The following HIPK2 variants were observed in gnomAD, a reference collection of about 807,000 sequenced individuals.
The protein encoded by HIPK2 is homeodomain-interacting protein kinase 2.
Under a neutral mutation model 113.7 loss-of-function variants are expected in HIPK2, and 27 were observed. The ratio of observed to expected loss-of-function variants is 0.24; its 90% CI spans 0.17 to 0.33. The LOEUF (loss-of-function observed/expected upper bound fraction) is 0.33. Ranked by LOEUF, HIPK2 falls within the 10% of genes least tolerant of loss-of-function variation. The pLI is 1.00. For missense variants in HIPK2, 1,257 were observed against 1,588.0 expected, an observed-to-expected ratio of 0.79 and a Z score of 3.54; for synonymous variants, 631 against 642.2, an observed-to-expected ratio of 0.98 and a Z score of 0.26.
chr7:139,621,991 T>C (rs560751773), intron 6 of HIPK2, among the ~76,000 whole-genome samples: 66 of 151,708 alleles, frequency 4.4e-4, no homozygotes, highest in Admixed American at 1.2e-3. Flanking sequence ...ACTCAAAATG[T>C]CTATTTTAAT....
intron 1 of HIPK2, among the ~76,000 whole-genome samples, chr7:139,758,681 C>T (rs983807641): frequency 2.0e-5 from 3 of 152,156 alleles, no homozygotes; most frequent in Admixed American, 6.5e-5. Flanking sequence ...ATTGTGCGCT[C>T]ATTATGAGAA....
intron 2 of HIPK2, among the ~76,000 whole-genome samples, chr7:139,633,122 A>G (rs1046989118): frequency 6.9e-6 from 1 of 145,944 alleles, no homozygotes; most frequent in African/African-American, 2.6e-5. Context: ...AAAAAAAAGA[A>G]AGAAAGTAGC....
chr7:139,753,571 T>A (rs1009392684), intron 1 of HIPK2, among the ~76,000 whole-genome samples: 1 of 152,208 alleles, frequency 6.6e-6, no homozygotes, highest in African/African-American at 2.4e-5. Context: ...TCAGAGTGCA[T>A]TTTTTTCCAG....
intron 1 of HIPK2, among the ~76,000 whole-genome samples, chr7:139,720,778 T>C (rs1053007264): frequency 6.6e-6 from 1 of 152,194 alleles, no homozygotes; most frequent in African/African-American, 2.4e-5. Flanking sequence ...AGTCTTTAAG[T>C]ACCCGGAAGG....
chr7:139,759,045 A>T (rs1300357171), intron 1 of HIPK2, among the ~76,000 whole-genome samples: 2 of 152,206 alleles, frequency 1.3e-5, no homozygotes, highest in East Asian at 3.8e-4. Context: ...TGGAAAAAAA[A>T]TGCAACTCAT....
At position 139,665,710 on chromosome 7, in the gene HIPK2, G is replaced by A. The variant is rs555821468; in HGVS notation, c.1104-33985C>T. ...ATTACCAAACTCCTCCCCTCTAAAT[G>A]AGTGCCTGGGCCTTCACTTTTTCTT... On this transcript the variant is annotated intron_variant, in intron 2 of 14. Coordinates refer to ENST00000406875, the MANE Select transcript of HIPK2 (RefSeq NM_022740.5). Among the ~76,000 whole-genome samples, 5 of 152,236 alleles carry A rather than the reference G, an allele frequency of 3.3e-5. No individual in the cohort carries two copies. In the East Asian group the frequency reaches 9.7e-4, roughly 29 times the overall value.
intron 12 of HIPK2, among the ~76,000 whole-genome samples, chr7:139,587,877 A>C (rs867746421): frequency 6.6e-6 from 1 of 152,074 alleles, no homozygotes; most frequent in African/African-American, 2.4e-5. Flanking sequence ...CCTACACTCT[A>C]AAGAAAATAA....
At chr7:139,665,997 C>G (rs1261952699) in intron 2 of HIPK2, among the ~76,000 whole-genome samples, 2 of 144,220 alleles carry the variant, frequency 1.4e-5, no homozygotes, top group African/African-American at 5.1e-5. Context: ...ATGGTGCTTT[C>G]AAGATAGCAA....
Position 139,682,908 on chromosome 7 carries a change from C to G in HIPK2, c.1103+33024G>C, listed in dbSNP as rs372924041. Among the ~76,000 whole-genome samples the G allele has an allele frequency of 6.6e-5, 10 of 152,172 alleles. No individual in the cohort carries two copies. The East Asian group carries it at 1.2e-3, about 18-fold the overall frequency. ...GCCCCTTGTCCCCTCCTCTGTAGGA[C>G]AGTGGAGGGCCCCCTGGCATCACAG... On this transcript the variant is annotated intron_variant, in intron 2 of 14. Transcript: ENST00000406875.
At position 139,583,832 on chromosome 7, in the gene HIPK2, C is replaced by T; in HGVS notation, c.2950G>A (p.Asp984Asn). 1 of 1,611,504 alleles carries T rather than the reference C, an allele frequency of 6.2e-7. No individual in the cohort carries two copies. Among genetic ancestry groups the T allele is most frequent in the Non-Finnish European group, 8.5e-7 (1 of 1,178,840 alleles). ...TQASEVLVECDSLVPVNTSHH... is the reference protein window; with the variant it reads ...TQASEVLVECNSLVPVNTSHH... Reference sequence around the variant, plus strand: ...CCCAAATTACCTGGCACCAGGCTATCACACTCCACCAATACTTCGCTGGCC... The same window carrying T: ...CCCAAATTACCTGGCACCAGGCTATTACACTCCACCAATACTTCGCTGGCC... Residue 984 changes from aspartate to asparagine, a missense_variant, in exon 13 of 15, where the codon GAT becomes AAT. Asp to Asn is a conservative substitution (Grantham distance 23). Coordinates refer to ENST00000406875, the MANE Select transcript of HIPK2 (RefSeq NM_022740.5).
intron 13 of HIPK2, among the ~76,000 whole-genome samples, chr7:139,581,155 G>C (rs1413169366): frequency 1.3e-5 from 2 of 152,178 alleles, no homozygotes; most frequent in Non-Finnish European, 2.9e-5. Flanking sequence ...GGGAAGTAGA[G>C]GTTGCAGTAA....
At chr7:139,659,949 A>C (rs75357226) in intron 2 of HIPK2, among the ~76,000 whole-genome samples, 4,991 of 152,386 alleles carry the variant, frequency 0.033, 122 homozygotes, top group Non-Finnish European at 0.048. Flanking sequence ...TGTTAAATGC[A>C]ACACCTATAC....
chr7:139,704,792 C>T (rs1237488452), intron 2 of HIPK2, among the ~76,000 whole-genome samples: 2 of 152,022 alleles, frequency 1.3e-5, no homozygotes, highest in Non-Finnish European at 2.9e-5. Flanking sequence ...TCCAGCGCCC[C>T]GTCCCACCAC....
intron 12 of HIPK2, among the ~76,000 whole-genome samples, chr7:139,593,046 CT>C (rs1799079948): frequency 6.6e-6 from 1 of 152,232 alleles, no homozygotes; most frequent in Admixed American, 6.5e-5. Context: ...CCCTATGGCC[CT>C]GGCATGGTGA....
chr7:139,695,367 C>T (rs1421508783), intron 2 of HIPK2, among the ~76,000 whole-genome samples: 1 of 152,150 alleles, frequency 6.6e-6, no homozygotes, highest in Admixed American at 6.5e-5. Flanking sequence ...CCGGGGCTGC[C>T]TTTCACCACC....
At chr7:139,741,299 G>T (rs1796093344) in intron 1 of HIPK2, among the ~76,000 whole-genome samples, 1 of 152,088 alleles carries the variant, frequency 6.6e-6, no homozygotes, top group South Asian at 2.1e-4. Flanking sequence ...GCGCCCTGGG[G>T]AGACACTCGG....
At chr7:139,673,225 C>G (rs938624234) in intron 2 of HIPK2, among the ~76,000 whole-genome samples, 1 of 151,616 alleles carries the variant, frequency 6.6e-6, no homozygotes, top group Non-Finnish European at 1.5e-5. Context: ...AGATTACGAA[C>G]TGGGAATGCA....
At chr7:139,740,868 C>T (rs560019337) in intron 1 of HIPK2, among the ~76,000 whole-genome samples, 1 of 152,316 alleles carries the variant, frequency 6.6e-6, no homozygotes, top group South Asian at 2.1e-4. Context: ...AAATTCCGGC[C>T]AGGCGCGGTG....
At chr7:139,588,055 C>A (rs190599921) in intron 12 of HIPK2, among the ~76,000 whole-genome samples, 7 of 151,726 alleles carry the variant, frequency 4.6e-5, no homozygotes, top group African/African-American at 1.7e-4. Context: ...CAGTGGCTCA[C>A]ACCTGTAATC....
Sources: allele counts gnomAD v4.1 joint callset (sites outside exome capture counted in the v4.1 genomes callset), GRCh38; gene constraint gnomAD v4.1.1; transcripts MANE v1.5; gene names NCBI Gene and HGNC (gene_info 2026-07-23, HGNC 2026-07-21).